Variants in SLC36A2 observed in about 807,000 individuals in gnomAD.
SLC36A2 encodes the protein proton-coupled amino acid transporter 2.
In SLC36A2, 39 loss-of-function variants were observed where a neutral mutation model predicts 42.7. The observed-to-expected ratio is 0.91, with a 90% CI of 0.71 to 1.19. The LOEUF is 1.19. SLC36A2 is among the 50% of genes most tolerant of loss of function. The probability of loss-of-function intolerance (pLI) is 0.00; values close to 1 mark genes in which losing one functional copy is unlikely to be tolerated. For missense variants in SLC36A2, 590 were observed against 613.7 expected, an observed-to-expected ratio of 0.96 and a Z score of 0.41; for synonymous variants, 237 against 240.8, an observed-to-expected ratio of 0.98 and a Z score of 0.15.
chr5:151,347,334 A>T lies in SLC36A2; in HGVS notation c.127T>A (p.Ser43Thr). 6.2e-7 allele frequency: 1 copy of T among 1,614,224 alleles called. No homozygotes were observed. ...GTCTTCTTCAAGCCTGCTGACTCTG[A>T]AGGACTTTCATCCAAGAATGTAGAG... The part of the protein sequence containing the change: ...KDSTFLDESP[S>T]ESAGLKKTKG... Residue 43 changes from serine (S) to threonine (T), a missense_variant, in exon 1 of 10, where the codon TCA (serine) becomes ACA (threonine). Physicochemically the swap from Ser to Thr is moderately conservative, Grantham distance 58. Transcript: ENST00000335244.
intron 5 of SLC36A2, among the ~76,000 whole-genome samples, chr5:151,336,483 G>A (rs753397494): frequency 1.7e-4 from 18 of 107,842 alleles, no homozygotes; most frequent in Non-Finnish European, 2.7e-4. Flanking sequence ...TTTTTTTTGC[G>A]TATAATAAAA....
At chr5:151,325,164 T>G (rs1194589575) in intron 8 of SLC36A2, 122 bp downstream of exon 8, 1 of 1,189,398 alleles carries the variant, frequency 8.4e-7, no homozygotes, top group Admixed American at 2.0e-5. Context: ...CAATGACAAT[T>G]CTGCTTCTTC....
chr5:151,321,834 C>A (rs370908348), intron 9 of SLC36A2: 7 of 534,860 alleles, frequency 1.3e-5, no homozygotes, highest in Non-Finnish European at 2.4e-5. Flanking sequence ...CGTGCCACCA[C>A]GCCTGGTTAA....
intron 5 of SLC36A2, chr5:151,338,498 G>A (rs113568912): frequency 0.056 from 8,637 of 154,258 alleles, 809 homozygotes; most frequent in African/African-American, 0.19. Flanking sequence ...ACACTGCAAG[G>A]CCTCGGCTCT....
chr5:151,333,417 T>A (rs546874137), intron 6 of SLC36A2, 95 bp from the exon 7 acceptor site: 58 of 1,021,526 alleles, frequency 5.7e-5, no homozygotes, highest in African/African-American at 3.8e-4. Context: ...CTGAATTTTT[T>A]AAAATTGAAT....
At position 151,347,297 on chromosome 5, in the gene SLC36A2, G is replaced by A. The variant is rs202001651; in HGVS notation, c.164C>T (p.Thr55Ile). The A allele has an allele frequency of 8.7e-6, 14 of 1,614,172 alleles. No individual in the cohort carries two copies. Among genetic ancestry groups the A allele is most frequent in the East Asian group, 4.5e-5 (2 of 44,892 alleles). The part of the protein sequence containing the change: ...SAGLKKTKGI[T>I]VFQALIHLVK... ...AGGGATGGCAGAAAACAGCACTCAC[G>A]TTATGCCCTTGGTCTTCTTCAAGCC... Residue 55 changes from threonine (T) to isoleucine (I), a missense_variant and splice_region_variant, in exon 1 of 10, where the codon ACA becomes ATA. Coordinates refer to ENST00000335244, the MANE Select transcript of SLC36A2 (RefSeq NM_181776.3).
intron 1 of SLC36A2, among the ~76,000 whole-genome samples, chr5:151,345,463 C>T (rs1319312531): frequency 2.0e-5 from 3 of 152,128 alleles, no homozygotes; most frequent in Non-Finnish European, 4.4e-5. Context: ...TGGGCAGAGG[C>T]TCAGGAAGCT....
chr5:151,324,354 T>C (rs955582431), intron 8 of SLC36A2, among the ~76,000 whole-genome samples: 2 of 146,342 alleles, frequency 1.4e-5, no homozygotes, highest in Admixed American at 7.0e-5. Context: ...TATTTTGAGA[T>C]GGAGTTTCAC....
chr5:151,322,400 G>A (rs533216589), intron 8 of SLC36A2, among the ~76,000 whole-genome samples, 185 bp from the exon 9 acceptor site: 3 of 152,154 alleles, frequency 2.0e-5, no homozygotes, highest in South Asian at 2.1e-4. Context: ...AAAATAGTGC[G>A]GTTCTGGATT....
At chr5:151,326,893 C>T (rs1755867918) in intron 7 of SLC36A2, among the ~76,000 whole-genome samples, 1 of 150,758 alleles carries the variant, frequency 6.6e-6, no homozygotes, top group Non-Finnish European at 1.5e-5. Flanking sequence ...TTCACTGCAA[C>T]CTCTGCCTCC....
At chr5:151,324,885 A>G (rs1449395067) in intron 8 of SLC36A2, among the ~76,000 whole-genome samples, 5 of 152,124 alleles carry the variant, frequency 3.3e-5, no homozygotes, top group East Asian at 1.9e-4. Context: ...CCACTTTTCT[A>G]TCTGGTTACT....
chr5:151,342,703 C>A (rs1756381309), intron 4 of SLC36A2, among the ~76,000 whole-genome samples, 185 bp downstream of exon 4: 1 of 152,162 alleles, frequency 6.6e-6, no homozygotes, highest in African/African-American at 2.4e-5. Flanking sequence ...GAATGAGTAT[C>A]CTGTCACTAG....
intron 6 of SLC36A2, 147 bp from the exon 7 acceptor site, chr5:151,333,469 T>C: frequency 1.4e-6 from 1 of 696,098 alleles, no homozygotes; most frequent in Non-Finnish European, 2.6e-6. Flanking sequence ...TAGGCCACGA[T>C]CAAAGTTGAT....
rs560222161 is a variant in SLC36A2 at position 151,329,497 on chromosome 5, A to G, written c.843+3727T>C. On this transcript the variant is annotated intron_variant, in intron 7 of 9. Coordinates refer to ENST00000335244, the MANE Select transcript of SLC36A2 (RefSeq NM_181776.3). ...CCTTAAGATGACTCAAATGTTGGCA[A>G]TATTAGGCAAAGACTTTAAAGCAGG... Among the ~76,000 whole-genome samples the G allele has an allele frequency of 1.1e-4, 16 of 152,372 alleles. No individual in the cohort carries two copies. The South Asian group carries it at 3.3e-3, about 32-fold the overall frequency.
chr5:151,329,696 C>T (rs1466933718), intron 7 of SLC36A2, among the ~76,000 whole-genome samples: 1 of 151,956 alleles, frequency 6.6e-6, no homozygotes, highest in East Asian at 1.9e-4. Context: ...ATGTAGATAA[C>T]AGAAAACAAA....
chr5:151,347,222 C>T, intron 1 of SLC36A2, 75 bp downstream of exon 1: 4 of 1,573,778 alleles, frequency 2.5e-6, no homozygotes, highest in Non-Finnish European at 3.5e-6. Context: ...GTCAGACACA[C>T]CCACCTCAGG....
At position 151,342,874 on chromosome 5, in the gene SLC36A2, C is replaced by T. The variant is rs114785206; in HGVS notation, c.440+14G>A. On this transcript the variant is annotated intron_variant, in intron 4 of 9. Transcript: ENST00000335244. ...GTGTCCTACCCCACTGCAGGCAAAG[C>T]AAGAACAGGTTACCTTCCCCAGTGA... is the stretch of plus-strand genomic sequence containing the variant. 4.9e-3 allele frequency: 7,904 copies of T among 1,612,774 alleles called. 33 individuals carry two copies. The highest frequency in any genetic ancestry group is 5.9e-3 in the Non-Finnish European group (7,012 of 1,178,812).
chr5:151,321,925 G>A, intron 9 of SLC36A2, 121 bp downstream of exon 9: 3 of 1,287,034 alleles, frequency 2.3e-6, no homozygotes, highest in South Asian at 1.2e-5. Context: ...TGATCCACCC[G>A]CCTCGGCCTC....
At chr5:151,337,937 C>T (rs1047477153) in intron 5 of SLC36A2, among the ~76,000 whole-genome samples, 1 of 152,176 alleles carries the variant, frequency 6.6e-6, no homozygotes, top group African/African-American at 2.4e-5. Context: ...TGCAGAAATA[C>T]AGCATAGGTT....
Sources: allele counts gnomAD v4.1 joint callset (sites outside exome capture counted in the v4.1 genomes callset), GRCh38; gene constraint gnomAD v4.1.1; transcripts MANE v1.5; gene names NCBI Gene and HGNC (gene_info 2026-07-23, HGNC 2026-07-21).